SEMA5A: variants seen among roughly 807,000 people sequenced by gnomAD.
SEMA5A encodes semaphorin 5A.
In SEMA5A, 55 loss-of-function variants were observed where a neutral mutation model predicts 135.5. The ratio of observed to expected loss-of-function variants is 0.41; its 90% CI spans 0.33 to 0.51. The LOEUF (loss-of-function observed/expected upper bound fraction) is 0.51. Among genes scored for constraint, SEMA5A ranks in the 20% least tolerant of loss-of-function variants. SEMA5A has a pLI of 0.37. For missense variants in SEMA5A, 1,290 were observed against 1,419.9 expected, an observed-to-expected ratio of 0.91 and a Z score of 1.47; for synonymous variants, 580 against 546.5, an observed-to-expected ratio of 1.06 and a Z score of -0.85.
At chr5:9,251,017 G>C (rs1027226888) in intron 5 of SEMA5A, among the ~76,000 whole-genome samples, 1 of 152,294 alleles carries the variant, frequency 6.6e-6, no homozygotes, top group South Asian at 2.1e-4. Flanking sequence ...ACCTTTAGGG[G>C]ACAACTAGGT....
At chr5:9,488,490 CCT>C (rs1734839548) in intron 1 of SEMA5A, among the ~76,000 whole-genome samples, 1 of 152,176 alleles carries the variant, frequency 6.6e-6, no homozygotes, top group African/African-American at 2.4e-5. Context: ...ATCATTCTGT[CCT>C]ATTATCAGCC....
At chr5:9,254,296 GTATA>G (rs1323511252) in intron 5 of SEMA5A, among the ~76,000 whole-genome samples, 4 of 152,152 alleles carry the variant, frequency 2.6e-5, no homozygotes, top group Admixed American at 2.6e-4. Flanking sequence ...AGAAGTAAAG[GTATA>G]TACTGTAAGA....
At chr5:9,166,438 T>C (rs917763242) in intron 11 of SEMA5A, among the ~76,000 whole-genome samples, 2 of 152,184 alleles carry the variant, frequency 1.3e-5, no homozygotes, top group African/African-American at 4.8e-5. Context: ...TGAGTTTAAC[T>C]GTATGTTTGT....
chr5:9,221,410 C>T (rs1285358511), intron 8 of SEMA5A, among the ~76,000 whole-genome samples: 3 of 147,208 alleles, frequency 2.0e-5, no homozygotes, highest in East Asian at 4.0e-4. Context: ...TCACACCATT[C>T]TCCTGCCTCA....
At chr5:9,505,549 C>T (rs1053394231) in intron 1 of SEMA5A, among the ~76,000 whole-genome samples, 1 of 152,178 alleles carries the variant, frequency 6.6e-6, no homozygotes, top group African/African-American at 2.4e-5. Context: ...TCAAACCAGA[C>T]TGGTTCATTT....
At position 9,038,058 on chromosome 5, in the gene SEMA5A, T is replaced by TAATC. The variant is rs1361775626; in HGVS notation, c.*4835_*4838dup. 3 of 152,208 alleles carry TAATC rather than the reference T, an allele frequency of 2.0e-5. No homozygotes were observed. The highest frequency in any genetic ancestry group is 4.4e-5 in the Non-Finnish European group (3 of 68,048). The allele number at this position is 152,208 out of a possible 1,614,324, so 9.4% of individuals were successfully genotyped here. A position where few individuals can be genotyped will look rare whatever the true frequency, so the allele number is the denominator to read the frequency against. ...GTAGGTAATTGCAGATAACCATAGGTAATCAAATATTGGTAACGTTGTGTC... is the reference window on the plus strand; with the variant it reads ...GTAGGTAATTGCAGATAACCATAGGTAATCAATCAAATATTGGTAACGTTGTGTC... On this transcript the variant is annotated 3_prime_UTR_variant, in exon 23 of 23. Coordinates refer to ENST00000382496, the MANE Select transcript of SEMA5A (RefSeq NM_003966.3).
At chr5:9,280,589 T>G (rs193137321) in intron 5 of SEMA5A, among the ~76,000 whole-genome samples, 2 of 152,312 alleles carry the variant, frequency 1.3e-5, no homozygotes, top group African/African-American at 4.8e-5. Context: ...AATCTAAAAA[T>G]GACATTTGAA....
rs761688312 is a variant in SEMA5A at position 9,202,002 on chromosome 5, G to A, written c.885C>T (p.Phe295=). The A allele has an allele frequency of 6.2e-7, 1 of 1,614,194 alleles. No individual in the cohort carries two copies. Among genetic ancestry groups the A allele is most frequent in the Non-Finnish European group, 8.5e-7 (1 of 1,180,014 alleles). The change falls in exon 9 of 23, where the codon TTC becomes TTT. Residue 295 remains phenylalanine, a synonymous_variant. Coordinates refer to ENST00000382496, the MANE Select transcript of SEMA5A (RefSeq NM_003966.3). Reference sequence around the variant, plus strand: ...AGATCAAATCCAGCTCAGGCAGGAAGAAAGTACTCTGCAATTCGTTGTAGT... The same window carrying A: ...AGATCAAATCCAGCTCAGGCAGGAAAAAAGTACTCTGCAATTCGTTGTAGT... ...PFYYNELQST[F]FLPELDLIYG...
chr5:9,074,476 A>C (rs979201151), intron 16 of SEMA5A, among the ~76,000 whole-genome samples: 1 of 152,154 alleles, frequency 6.6e-6, no homozygotes, highest in Non-Finnish European at 1.5e-5. Context: ...CCATAAAATA[A>C]AAAAAACAAT....
intron 5 of SEMA5A, among the ~76,000 whole-genome samples, chr5:9,263,040 GAA>G (rs574641708): frequency 0.011 from 1,447 of 128,138 alleles, 25 homozygotes; most frequent in African/African-American, 0.039. Context: ...TCTGTCAATA[GAA>G]AAAAAAAAAA....
chr5:9,051,138 G>A (rs1202793114), intron 20 of SEMA5A, among the ~76,000 whole-genome samples: 2 of 152,166 alleles, frequency 1.3e-5, no homozygotes, highest in South Asian at 2.1e-4. Flanking sequence ...TTATAGTTCT[G>A]TGCCGTACAT....
At position 9,237,859 on chromosome 5, in the gene SEMA5A, T is replaced by C. The variant is rs371730082; in HGVS notation, c.302A>G (p.Lys101Arg). The C allele has an allele frequency of 1.2e-6, 2 of 1,613,688 alleles. No homozygotes were observed. The highest frequency in any genetic ancestry group is 4.5e-5 in the East Asian group (2 of 44,862). The change falls in exon 6 of 23, where the codon AAA (lysine) becomes AGA (arginine). Residue 101 changes from lysine (K) to arginine (R), a missense_variant. Physicochemically the swap from Lys to Arg is conservative, Grantham distance 26 (BLOSUM62 2). This residue lies in a region of SEMA5A where 116 missense variants were observed against 121.3 expected (regional missense o/e 0.96). Transcript: ENST00000382496. ...TTTGCCTTTGCTGTAACAGGCCTTT[T>C]TGGTAGCTTCATCACACTCCCATTC... ...AVEWECDEATKKACYSKGKSK... is the reference protein window; with the variant it reads ...AVEWECDEATRKACYSKGKSK...
chr5:9,086,779 T>C (rs917788483), intron 16 of SEMA5A, among the ~76,000 whole-genome samples: 1 of 152,242 alleles, frequency 6.6e-6, no homozygotes, highest in African/African-American at 2.4e-5. Flanking sequence ...AATCCGTTTA[T>C]GAATGCTGTT....
intron 5 of SEMA5A, among the ~76,000 whole-genome samples, chr5:9,255,975 T>C (rs1749049058): frequency 6.6e-6 from 1 of 152,136 alleles, no homozygotes; most frequent in African/African-American, 2.4e-5. Flanking sequence ...CAAGTCATCC[T>C]TGAGTCTTCT....
At chr5:9,276,079 A>T (rs934279632) in intron 5 of SEMA5A, among the ~76,000 whole-genome samples, 2 of 152,190 alleles carry the variant, frequency 1.3e-5, no homozygotes, top group Non-Finnish European at 2.9e-5. Flanking sequence ...CTCAGCCCAA[A>T]ATCTCCTTAA....
chr5:9,132,972 T>C (rs1741517967), intron 13 of SEMA5A, among the ~76,000 whole-genome samples: 1 of 152,240 alleles, frequency 6.6e-6, no homozygotes, highest in Admixed American at 6.5e-5. Flanking sequence ...ATTGCAAACT[T>C]CCCTCTGCTT....
intron 8 of SEMA5A, among the ~76,000 whole-genome samples, chr5:9,223,765 G>T (rs892269358): frequency 1.3e-5 from 2 of 152,166 alleles, no homozygotes; most frequent in Admixed American, 6.5e-5. Flanking sequence ...GTATGTGCGT[G>T]TGTGTGTGAG....
chr5:9,391,544 G>T (rs1353368134), intron 2 of SEMA5A, among the ~76,000 whole-genome samples: 1 of 152,072 alleles, frequency 6.6e-6, no homozygotes, highest in South Asian at 2.1e-4. Context: ...CGCCATCACA[G>T]CTGGAGTCAT....
chr5:9,222,367 A>C (rs1430324205), intron 8 of SEMA5A, among the ~76,000 whole-genome samples: 1 of 152,164 alleles, frequency 6.6e-6, no homozygotes, highest in African/African-American at 2.4e-5. Context: ...AACAAAACAC[A>C]GGAGAGGTAT....
Sources: allele counts gnomAD v4.1 joint callset (sites outside exome capture counted in the v4.1 genomes callset), GRCh38; gene constraint gnomAD v4.1.1; regional missense constraint gnomAD v4.1.1; transcripts MANE v1.5; gene names NCBI Gene and HGNC (gene_info 2026-07-23, HGNC 2026-07-21).